RYR3: variants seen among roughly 807,000 people sequenced by gnomAD.
The protein encoded by RYR3 is brain ryanodine receptor-calcium release channel.
In RYR3, 207 loss-of-function variants were observed where a neutral mutation model predicts 584.3. The ratio of observed to expected loss-of-function variants is 0.35; its 90% CI spans 0.32 to 0.40. The LOEUF (loss-of-function observed/expected upper bound fraction) is 0.40. RYR3 is among the 10% of genes least tolerant of loss of function. RYR3 has a pLI of 1.00. For missense variants in RYR3, 5,616 were observed against 6,089.2 expected (o/e 0.92, Z 2.59); for synonymous variants, 2,416 against 2,248.5 (o/e 1.07, Z -2.11).
intron 49 of RYR3, among the ~76,000 whole-genome samples, chr15:33,737,452 A>C (rs562989872): frequency 6.6e-6 from 1 of 152,312 alleles, no homozygotes; most frequent in East Asian, 1.9e-4. Context: ...GGCTAGCCAC[A>C]CCTGAAAATC....
intron 1 of RYR3, among the ~76,000 whole-genome samples, chr15:33,429,244 G>C (rs2044913908): frequency 6.6e-6 from 1 of 152,160 alleles, no homozygotes; most frequent in Non-Finnish European, 1.5e-5. Flanking sequence ...TCTCCACTCG[G>C]TTATGAGCTG....
chr15:33,323,621 T>C (rs1040005750), intron 1 of RYR3, among the ~76,000 whole-genome samples: 1 of 152,188 alleles, frequency 6.6e-6, no homozygotes, highest in African/African-American at 2.4e-5. Context: ...AAAATCTAAA[T>C]AGCTCTCCCA....
At chr15:33,829,446 A>G (rs1177160607) in intron 85 of RYR3, among the ~76,000 whole-genome samples, 2 of 152,174 alleles carry the variant, frequency 1.3e-5, no homozygotes, top group African/African-American at 2.4e-5. Flanking sequence ...AACATTGTAG[A>G]TGTCATTAAA....
intron 102 of RYR3, among the ~76,000 whole-genome samples, chr15:33,862,175 G>A (rs936010311): frequency 1.3e-5 from 2 of 151,538 alleles, no homozygotes; most frequent in Non-Finnish European, 2.9e-5. Flanking sequence ...CCCCAGCCTA[G>A]CTCTTCCCCC....
chr15:33,783,846 A>T (rs146220450), intron 65 of RYR3, among the ~76,000 whole-genome samples: 4 of 152,348 alleles, frequency 2.6e-5, no homozygotes, highest in African/African-American at 9.6e-5. Context: ...TGCAAGATGC[A>T]GGACAGACTC....
chr15:33,329,037 T>G (rs752959256), intron 1 of RYR3, among the ~76,000 whole-genome samples: 15 of 152,190 alleles, frequency 9.9e-5, no homozygotes, highest in Admixed American at 5.9e-4. Context: ...AAATTTATGG[T>G]TAGAGTAACG....
intron 1 of RYR3, among the ~76,000 whole-genome samples, chr15:33,419,020 T>C (rs2044033306): frequency 6.6e-6 from 1 of 152,108 alleles, no homozygotes; most frequent in Non-Finnish European, 1.5e-5. Context: ...AGGTGTGGTA[T>C]GGTGTACAGC....
intron 12 of RYR3, among the ~76,000 whole-genome samples, chr15:33,572,729 C>A (rs1364327523): frequency 6.6e-6 from 1 of 150,962 alleles, no homozygotes; most frequent in Non-Finnish European, 1.5e-5. Flanking sequence ...AATCCCAGCA[C>A]TTTGGGAGGC....
At chr15:33,665,408 C>T (rs987667073) in intron 36 of RYR3, among the ~76,000 whole-genome samples, 10 of 152,170 alleles carry the variant, frequency 6.6e-5, no homozygotes, top group Non-Finnish European at 2.9e-5. Flanking sequence ...AAGTACTAAG[C>T]GAGCTACTAT....
chr15:33,773,740 G>T, intron 64 of RYR3, 125 bp downstream of exon 64: 1 of 692,826 alleles, frequency 1.4e-6, no homozygotes. Flanking sequence ...CAGAATGGTG[G>T]TTTTGAGCCT....
intron 43 of RYR3, among the ~76,000 whole-genome samples, chr15:33,721,671 G>A (rs1203257834): frequency 2.0e-5 from 3 of 151,902 alleles, no homozygotes; most frequent in Non-Finnish European, 4.4e-5. Context: ...TTTTTCTTTA[G>A]GCTTTAGCTA....
chr15:33,516,680 T>A (rs1396991342), intron 3 of RYR3, among the ~76,000 whole-genome samples: 1 of 151,518 alleles, frequency 6.6e-6, no homozygotes, highest in Non-Finnish European at 1.5e-5. Flanking sequence ...AGGAAAAGAG[T>A]CTCTGGCCAA....
rs753292423 is a variant in RYR3 at position 33,662,196 on chromosome 15, C to T, written c.4666C>T (p.Arg1556Trp). 4 of 1,606,256 alleles carry T rather than the reference C, an allele frequency of 2.5e-6. No individual in the cohort carries two copies. Among genetic ancestry groups the T allele is most frequent in the East Asian group, 4.5e-5 (2 of 44,704 alleles). ...GCTCTGTGAGCAGGAGGACCTGATG[C>T]GGTTCCATTACCACACGCTGAGGCT... is the stretch of plus-strand genomic sequence containing the variant. ...LELCEQEDLM[R>W]FHYHTLRLYS... is the part of the protein sequence containing the mutation. Residue 1556 changes from arginine (R) to tryptophan (W), a missense_variant, in exon 35 of 104, where the codon CGG becomes TGG. By Grantham distance (101) the Arg-to-Trp change is moderately radical. Coordinates refer to ENST00000634891, the MANE Select transcript of RYR3 (RefSeq NM_001036.6).
rs2055043923 is a variant in RYR3 at position 33,533,361 on chromosome 15, T to C, written c.405T>C (p.Phe135=). 6.2e-7 allele frequency: 1 copy of C among 1,609,162 alleles called. No individual in the cohort carries two copies. The highest frequency in any genetic ancestry group is 2.2e-5 in the East Asian group (1 of 44,788). Residue 135 remains phenylalanine, a synonymous_variant, in exon 5 of 104, where the codon TTT becomes TTC. Transcript: ENST00000634891. ...GATCCCAGACAGACAAACTTGCCTTTGATGTAGGTCTACGGGAACATGCCA... is the reference window on the plus strand; with the variant it reads ...GATCCCAGACAGACAAACTTGCCTTCGATGTAGGTCTACGGGAACATGCCA... ...TSRSQTDKLA[F]DVGLREHATG...
chr15:33,765,030 CAAAAAAAA>C (rs1183335863), intron 60 of RYR3, among the ~76,000 whole-genome samples: 8 of 85,774 alleles, frequency 9.3e-5, no homozygotes, highest in South Asian at 5.4e-4. Flanking sequence ...GACTTCGTCT[CAAAAAAAA>C]AAAAAAAAAA....
In RYR3 at chr15:33,652,892, G is replaced by A. The variant is rs139771099; in HGVS notation, c.4308+9G>A. The A allele has an allele frequency of 3.7e-5, 60 of 1,600,894 alleles. No homozygotes were observed. The African/African-American group carries it at 5.6e-4, about 15-fold the overall frequency. ...TGGGCACCTGCTACCAGGTAAGGGC[G>A]GCTTCTGGGGCCGAAACAGGGCTAT... On this transcript the variant is annotated intron_variant, in intron 32 of 103. Coordinates refer to ENST00000634891, the MANE Select transcript of RYR3 (RefSeq NM_001036.6).
At chr15:33,329,269 G>A (rs529299344) in intron 1 of RYR3, among the ~76,000 whole-genome samples, 11 of 152,238 alleles carry the variant, frequency 7.2e-5, no homozygotes, top group South Asian at 6.2e-4. Flanking sequence ...GAGTTTCTAC[G>A]AGTGGTCAGC....
rs537607923 is a variant in RYR3 at position 33,364,263 on chromosome 15, A to G, written c.51+53167A>G. Among the ~76,000 whole-genome samples, 2 of 152,158 alleles carry G rather than the reference A, an allele frequency of 1.3e-5. 1 individual carries two copies. Among genetic ancestry groups the G allele is most frequent in the African/African-American group, 4.8e-5 (2 of 41,514 alleles). ...TTGTATTTCTGTTGGACCAGGCTGC[A>G]CTAAACCATTTCTCTCAGTGGTTGA... On this transcript the variant is annotated intron_variant, in intron 1 of 103. Transcript: ENST00000634891.
chr15:33,569,415 C>T (rs2057899559), intron 12 of RYR3, among the ~76,000 whole-genome samples: 1 of 152,020 alleles, frequency 6.6e-6, no homozygotes, highest in Admixed American at 6.6e-5. Context: ...TTCTCCTGTC[C>T]CTCAGCCCCT....
Sources: allele counts gnomAD v4.1 joint callset (sites outside exome capture counted in the v4.1 genomes callset), GRCh38; gene constraint gnomAD v4.1.1; transcripts MANE v1.5; gene names NCBI Gene and HGNC (gene_info 2026-07-23, HGNC 2026-07-21).